Variants in NUDT1 observed in about 807,000 individuals in gnomAD.
NUDT1 encodes the protein nudix hydrolase 1.
NUDT1 carries 16 observed loss-of-function variants against 11.3 expected under a neutral mutation model. That is an observed-to-expected ratio of 1.41 (90% CI 0.96 to 2.15). The LOEUF is 2.15. NUDT1 is among the 30% of genes most tolerant of loss of function. The pLI, the probability that NUDT1 is intolerant of heterozygous loss-of-function variation, is 0.00. For missense variants in NUDT1, 234 were observed against 208.4 expected, an observed-to-expected ratio of 1.12 and a Z score of -0.76; for synonymous variants, 101 against 84.4, an observed-to-expected ratio of 1.20 and a Z score of -1.08.
rs770784084 is a variant in NUDT1 at position 2,249,925 on chromosome 7, T to G, written c.221T>G (p.Phe74Cys). The change falls in exon 3 of 4, where the codon TTC (phenylalanine) becomes TGC (cysteine). Residue 74 changes from phenylalanine (F) to cysteine (C), a missense_variant. Transcript: ENST00000356714. ...LHKVGQIVFE[F>C]VGEPELMDVH... is the part of the protein sequence containing the mutation. ...AAGGTGGGCCAGATCGTGTTTGAGT[T>G]CGTGGGCGAGCCTGAGCTCATGGAC... The G allele has an allele frequency of 4.3e-6, 7 of 1,614,046 alleles. No individual in the cohort carries two copies. In the East Asian group the frequency reaches 1.3e-4, roughly 31 times the overall value.
chr7:2,250,436 C>CA (rs138650636), intron 3 of NUDT1, among the ~76,000 whole-genome samples: 21,821 of 152,082 alleles, frequency 0.14, 1,852 homozygotes, highest in Middle Eastern at 0.24. Context: ...CCCATCTCTA[C>CA]AAAAAAACAT....
At chr7:2,244,262 A>G (rs1794676538) in intron 1 of NUDT1, among the ~76,000 whole-genome samples, 1 of 152,120 alleles carries the variant, frequency 6.6e-6, no homozygotes, top group African/African-American at 2.4e-5. Context: ...ACGCTCTGGA[A>G]AGGTGATGTT....
chr7:2,247,778 G>A (rs567128128), intron 2 of NUDT1, among the ~76,000 whole-genome samples: 5 of 152,334 alleles, frequency 3.3e-5, no homozygotes, highest in African/African-American at 4.8e-5. Flanking sequence ...TGCTTCCTAC[G>A]CTGCCATGTG....
intron 1 of NUDT1, among the ~76,000 whole-genome samples, chr7:2,243,988 C>G (rs921336892): frequency 6.6e-6 from 1 of 152,078 alleles, no homozygotes; most frequent in African/African-American, 2.4e-5. Flanking sequence ...GGTATAAACT[C>G]CTATCACAGG....
chr7:2,250,661 T>C (rs1034758002), intron 3 of NUDT1, among the ~76,000 whole-genome samples, 168 bp from the exon 4 acceptor site: 5 of 131,172 alleles, frequency 3.8e-5, no homozygotes, highest in East Asian at 4.8e-4. Context: ...GGTTTCACCG[T>C]GTTAGCCAGG....
At chr7:2,242,411 T>G in intron 1 of NUDT1, 155 bp downstream of exon 1, 2 of 477,014 alleles carry the variant, frequency 4.2e-6, no homozygotes, top group Non-Finnish European at 3.7e-6. Flanking sequence ...GGTCGGGGGC[T>G]CGAGGGAGAC....
chr7:2,243,736 C>T lies in NUDT1; in HGVS notation c.-12-827C>T, dbSNP rs950546493. Among the ~76,000 whole-genome samples the T allele has an allele frequency of 3.9e-5, 6 of 152,338 alleles. No homozygotes were observed. In the South Asian group the frequency reaches 1.0e-3, roughly 26 times the overall value. ...TACAGTGAACCGCGATCACGCCACT[C>T]TCCTCCAGCCTGGGCAACAGAGCAG... On this transcript the variant is annotated intron_variant, in intron 1 of 3. Transcript: ENST00000356714.
intron 3 of NUDT1, among the ~76,000 whole-genome samples, chr7:2,250,227 G>A (rs544862831): frequency 1.6e-4 from 24 of 152,306 alleles, no homozygotes; most frequent in Admixed American, 7.8e-4. Flanking sequence ...TGAGAAACAC[G>A]GTAATGAGGA....
intron 1 of NUDT1, chr7:2,242,704 A>G (rs1794596958): frequency 2.3e-6 from 1 of 426,212 alleles, no homozygotes; most frequent in South Asian, 3.9e-5. Flanking sequence ...TCACTTCTTC[A>G]GTGCCCCGCT....
intron 1 of NUDT1, 28 bp downstream of exon 1, chr7:2,242,284 G>A (rs1033704559): frequency 3.8e-5 from 41 of 1,075,600 alleles, no homozygotes; most frequent in Non-Finnish European, 4.8e-5. Flanking sequence ...GGGGATTCCA[G>A]GAGTCGTGGT....
intron 1 of NUDT1, 171 bp from the exon 2 acceptor site, chr7:2,244,392 G>C: frequency 1.7e-6 from 1 of 603,464 alleles, no homozygotes; most frequent in Non-Finnish European, 2.8e-6. Context: ...CTGGTTCAAT[G>C]GCAGTTTTCC....
At chr7:2,246,128 G>A (rs756171225) in intron 2 of NUDT1, among the ~76,000 whole-genome samples, 11 of 152,282 alleles carry the variant, frequency 7.2e-5, no homozygotes, top group African/African-American at 1.9e-4. Flanking sequence ...AGGTGGCCCC[G>A]GGGGTTCTCT....
chr7:2,243,068 G>A (rs770358694), intron 1 of NUDT1: 4 of 714,870 alleles, frequency 5.6e-6, no homozygotes, highest in South Asian at 1.5e-5. Flanking sequence ...CCCTGGAGTC[G>A]GGCTGCTGAG....
At chr7:2,244,490 T>C in intron 1 of NUDT1, 73 bp from the exon 2 acceptor site, 1 of 669,176 alleles carries the variant, frequency 1.5e-6, no homozygotes, top group Non-Finnish European at 2.3e-6. Context: ...GCACGTCCCC[T>C]TCCTCCTGGC....
chr7:2,250,032 C>T (rs775364076), intron 3 of NUDT1, 30 bp downstream of exon 3: 1 of 1,612,054 alleles, frequency 6.2e-7, no homozygotes, highest in African/African-American at 1.3e-5. Flanking sequence ...CTCCCCCTCC[C>T]CACTATGCGG....
chr7:2,247,307 T>C (rs1322306281), intron 2 of NUDT1, among the ~76,000 whole-genome samples: 1 of 152,196 alleles, frequency 6.6e-6, no homozygotes, highest in Non-Finnish European at 1.5e-5. Context: ...AGAGCCGGTT[T>C]AGGCACCCTC....
chr7:2,242,479 G>T (rs911002600), intron 1 of NUDT1: 5 of 473,010 alleles, frequency 1.1e-5, no homozygotes, highest in Non-Finnish European at 1.9e-5. Context: ...CGGAGGCTTG[G>T]GGGAGACCAG....
chr7:2,243,218 G>T (rs529688742), intron 1 of NUDT1, among the ~76,000 whole-genome samples: 1 of 152,278 alleles, frequency 6.6e-6, no homozygotes, highest in East Asian at 1.9e-4. Context: ...AAAACCACTG[G>T]GGTTTTTTTA....
intron 1 of NUDT1, 73 bp downstream of exon 1, chr7:2,242,329 G>C: frequency 1.6e-6 from 1 of 641,488 alleles, no homozygotes; most frequent in Non-Finnish European, 2.5e-6. Flanking sequence ...CGGGCGGCAG[G>C]AGACTAGGGG....
Sources: allele counts gnomAD v4.1 joint callset (sites outside exome capture counted in the v4.1 genomes callset), GRCh38; gene constraint gnomAD v4.1.1; transcripts MANE v1.5; gene names NCBI Gene and HGNC (gene_info 2026-07-23, HGNC 2026-07-21).